CEP112: variants seen among roughly 807,000 people sequenced by gnomAD.
CEP112 encodes the protein centrosomal protein 112, also known as centrosomal protein of 112 kDa.
Under a neutral mutation model 153.0 loss-of-function variants are expected in CEP112, and 127 were observed. The observed-to-expected ratio is 0.83, with a 90% confidence interval of 0.72 to 0.96. The LOEUF (loss-of-function observed/expected upper bound fraction) is 0.96. CEP112 is among the 40% of genes least tolerant of loss of function. The probability of loss-of-function intolerance (pLI) is 0.00; values close to 1 mark genes in which losing one functional copy is unlikely to be tolerated. For synonymous variants in CEP112, 358 were observed against 374.4 expected (o/e 0.96, Z 0.51); for missense variants, 1,089 against 1,101.2 (o/e 0.99, Z 0.16).
At chr17:66,059,077 A>C (rs981708287) in intron 11 of CEP112, among the ~76,000 whole-genome samples, 1 of 152,214 alleles carries the variant, frequency 6.6e-6, no homozygotes, top group African/African-American at 2.4e-5. Context: ...CTTATCCAAT[A>C]AATGGGATGA....
chr17:65,638,906 T>A (rs191946068), intron 25 of CEP112, among the ~76,000 whole-genome samples: 2 of 152,040 alleles, frequency 1.3e-5, no homozygotes, highest in East Asian at 1.9e-4. Flanking sequence ...CCTTTTTTTT[T>A]CCTCTTCCTA....
chr17:65,832,599 C>G (rs948078866), intron 21 of CEP112, among the ~76,000 whole-genome samples: 1 of 151,952 alleles, frequency 6.6e-6, no homozygotes, highest in Non-Finnish European at 1.5e-5. Context: ...ACTAGAACAC[C>G]TAGAAGAGAT....
At chr17:66,067,139 T>A (rs1568453860) in intron 9 of CEP112, among the ~76,000 whole-genome samples, 1 of 152,134 alleles carries the variant, frequency 6.6e-6, no homozygotes, top group Non-Finnish European at 1.5e-5. Flanking sequence ...ATGTTAATAA[T>A]TCTAGCCTAG....
intron 1 of CEP112, among the ~76,000 whole-genome samples, chr17:66,185,952 G>C (rs752834406): frequency 2.0e-5 from 3 of 151,844 alleles, no homozygotes; most frequent in South Asian, 2.1e-4. Flanking sequence ...TAAGTAAATC[G>C]TAGCTTTTAC....
At chr17:65,742,954 G>T in intron 23 of CEP112, 114 bp downstream of exon 23, 1 of 739,372 alleles carries the variant, frequency 1.4e-6, no homozygotes, top group Non-Finnish European at 2.1e-6. Context: ...ATTACTGCAG[G>T]CTGTGTGAAC....
At chr17:65,709,754 C>T (rs1489506262) in intron 23 of CEP112, among the ~76,000 whole-genome samples, 2 of 152,182 alleles carry the variant, frequency 1.3e-5, no homozygotes, top group East Asian at 3.8e-4. Context: ...TACAAAATAG[C>T]TCTGAGAAAC....
chr17:65,886,974 G>T (rs181074901), intron 20 of CEP112, among the ~76,000 whole-genome samples: 7 of 152,282 alleles, frequency 4.6e-5, no homozygotes, highest in Admixed American at 4.6e-4. Context: ...GAGGGACTTA[G>T]AGTATTTCCA....
intron 21 of CEP112, among the ~76,000 whole-genome samples, chr17:65,848,559 G>C (rs1487342999): frequency 6.6e-6 from 1 of 151,596 alleles, no homozygotes; most frequent in African/African-American, 2.4e-5. Flanking sequence ...CTCCCTCCCT[G>C]CCTCTTTCCC....
At chr17:65,832,763 C>A (rs1018701403) in intron 21 of CEP112, among the ~76,000 whole-genome samples, 1 of 151,888 alleles carries the variant, frequency 6.6e-6, no homozygotes, top group East Asian at 1.9e-4. Context: ...CAGCCAAATT[C>A]TACCAGATGT....
At chr17:66,082,200 C>T (rs937643805) in intron 8 of CEP112, among the ~76,000 whole-genome samples, 1 of 151,920 alleles carries the variant, frequency 6.6e-6, no homozygotes, top group Non-Finnish European at 1.5e-5. Flanking sequence ...TTCCAAATGT[C>T]ATAATGTCAA....
In CEP112 at chr17:65,718,736, G is replaced by A. The variant is rs146199662; in HGVS notation, c.2607+24332C>T. Among the ~76,000 whole-genome samples, 633 of 152,274 alleles carry A rather than the reference G, an allele frequency of 4.2e-3. 2 individuals carry two copies. Among genetic ancestry groups the A allele is most frequent in the Non-Finnish European group, 6.9e-3 (472 of 68,020 alleles). ...ATAAACATTACAAGAAGAAAGGAAA[G>A]GGAAATCCAACATTGCAGACCTTCT... On this transcript the variant is annotated intron_variant, in intron 23 of 26. Coordinates refer to ENST00000535342, the MANE Select transcript of CEP112 (RefSeq NM_001199165.4).
intron 21 of CEP112, among the ~76,000 whole-genome samples, chr17:65,804,163 T>C (rs2055447055): frequency 6.6e-6 from 1 of 152,328 alleles, no homozygotes; most frequent in African/African-American, 2.4e-5. Context: ...TTTTTAAAAA[T>C]GTGTTTCGTC....
chr17:65,763,920 G>A (rs1274797044), intron 21 of CEP112, among the ~76,000 whole-genome samples: 1 of 151,870 alleles, frequency 6.6e-6, no homozygotes, highest in Non-Finnish European at 1.5e-5. Flanking sequence ...ATATGGAACT[G>A]CAGTGAAAAA....
At chr17:65,971,265 C>T (rs73992176) in intron 17 of CEP112, among the ~76,000 whole-genome samples, 10,030 of 152,194 alleles carry the variant, frequency 0.066, 483 homozygotes, top group African/African-American at 0.12. Context: ...GCGTACTGCA[C>T]ACATGTACAG....
intron 18 of CEP112, among the ~76,000 whole-genome samples, chr17:65,948,409 G>A (rs1386498877): frequency 6.6e-6 from 1 of 152,096 alleles, no homozygotes; most frequent in Non-Finnish European, 1.5e-5. Flanking sequence ...AGCCCCAGGA[G>A]GAACTAGTTA....
At chr17:65,677,823 G>A (rs921402100) in intron 24 of CEP112, among the ~76,000 whole-genome samples, 2 of 152,138 alleles carry the variant, frequency 1.3e-5, no homozygotes, top group Non-Finnish European at 2.9e-5. Context: ...TGAGGCATGA[G>A]AATAGCTTGA....
intron 21 of CEP112, among the ~76,000 whole-genome samples, chr17:65,835,946 T>C (rs1210045510): frequency 6.6e-6 from 1 of 152,196 alleles, no homozygotes; most frequent in Non-Finnish European, 1.5e-5. Flanking sequence ...AGATTCAAAT[T>C]GAAGCATCAA....
At chr17:66,063,775 A>G (rs2067012755) in intron 10 of CEP112, among the ~76,000 whole-genome samples, 1 of 152,192 alleles carries the variant, frequency 6.6e-6, no homozygotes. Flanking sequence ...TCTGACATGG[A>G]CAAGAGTTCC....
At chr17:65,849,819 C>T (rs764163688) in intron 21 of CEP112, among the ~76,000 whole-genome samples, 29 of 152,170 alleles carry the variant, frequency 1.9e-4, no homozygotes, top group Non-Finnish European at 2.9e-4. Context: ...ATCAGTCTCT[C>T]TTTTATCTGC....
Sources: allele counts gnomAD v4.1 joint callset (sites outside exome capture counted in the v4.1 genomes callset), GRCh38; gene constraint gnomAD v4.1.1; transcripts MANE v1.5; gene names NCBI Gene and HGNC (gene_info 2026-07-23, HGNC 2026-07-21).